CAMKMT: variants seen among roughly 807,000 people sequenced by gnomAD.
CAMKMT encodes CaM KMT.
Under a neutral mutation model 48.0 loss-of-function variants are expected in CAMKMT, and 53 were observed. The ratio of observed to expected loss-of-function variants is 1.10; its 90% CI spans 0.89 to 1.39. CAMKMT has a LOEUF of 1.39. CAMKMT is among the 40% of genes most tolerant of loss of function. The probability of loss-of-function intolerance (pLI) is 0.00; values close to 1 mark genes in which losing one functional copy is unlikely to be tolerated. For missense variants in CAMKMT, 428 were observed against 402.7 expected, an observed-to-expected ratio of 1.06 and a Z score of -0.54; for synonymous variants, 165 against 152.3, an observed-to-expected ratio of 1.08 and a Z score of -0.61.
In CAMKMT at chr2:44,445,645, GTTTTT is replaced by G. The variant is rs869258613; in HGVS notation, c.376+55384_376+55388del. Among the ~76,000 whole-genome samples the G allele has an allele frequency of 9.4e-4, 95 of 101,398 alleles. 1 individual carries two copies. Among genetic ancestry groups the G allele is most frequent in the African/African-American group, 2.5e-3 (68 of 27,344 alleles). The allele number at this position is 101,398 out of a possible 152,430, so 66.5% of individuals were successfully genotyped here. A position where few individuals can be genotyped will look rare whatever the true frequency, so the allele number is the denominator to read the frequency against. On this transcript the variant is annotated intron_variant, in intron 3 of 10. Transcript: ENST00000378494. ...AGTCCAACATGTCGGCAAAAGGGTA[GTTTTT>G]TTTTTTTTTTTTTTTTTTTTTTTTT...
At chr2:44,432,842 A>G (rs946391718) in intron 3 of CAMKMT, among the ~76,000 whole-genome samples, 2 of 148,738 alleles carry the variant, frequency 1.3e-5, no homozygotes, top group South Asian at 2.1e-4. Flanking sequence ...AAAAAAAAAC[A>G]TATGCTTTCC....
chr2:44,576,891 A>T (rs1241804685), intron 3 of CAMKMT, among the ~76,000 whole-genome samples: 1 of 152,218 alleles, frequency 6.6e-6, no homozygotes, highest in East Asian at 1.9e-4. Flanking sequence ...TACTGCAAGG[A>T]ATGTTCATTC....
chr2:44,505,317 A>G (rs1041808926), intron 3 of CAMKMT, among the ~76,000 whole-genome samples: 4 of 152,184 alleles, frequency 2.6e-5, no homozygotes, highest in African/African-American at 4.8e-5. Context: ...AGTAGTTTGC[A>G]AATGTTTTCT....
intron 3 of CAMKMT, among the ~76,000 whole-genome samples, chr2:44,521,515 G>A (rs562093131): frequency 7.2e-5 from 11 of 152,268 alleles, no homozygotes; most frequent in South Asian, 4.1e-4. Context: ...CCCTGACCTC[G>A]TGATTCACCC....
intron 3 of CAMKMT, among the ~76,000 whole-genome samples, chr2:44,663,374 C>T (rs1027472174): frequency 2.0e-5 from 3 of 152,212 alleles, no homozygotes; most frequent in Non-Finnish European, 2.9e-5. Context: ...GCTTCTACAT[C>T]ATTGATTCGC....
chr2:44,571,610 G>A (rs1423225783), intron 3 of CAMKMT, among the ~76,000 whole-genome samples: 3 of 152,060 alleles, frequency 2.0e-5, no homozygotes, highest in African/African-American at 7.2e-5. Context: ...TTGTTTGCAC[G>A]TTATTCATGA....
chr2:44,444,331 A>C (rs999267513), intron 3 of CAMKMT, among the ~76,000 whole-genome samples: 3 of 152,206 alleles, frequency 2.0e-5, no homozygotes, highest in Non-Finnish European at 2.9e-5. Flanking sequence ...CAGTATTATA[A>C]GCTGTCAAGA....
chr2:44,629,428 T>C (rs1192860987), intron 3 of CAMKMT, among the ~76,000 whole-genome samples: 1 of 148,862 alleles, frequency 6.7e-6, no homozygotes, highest in Non-Finnish European at 1.5e-5. Context: ...TTTCTTTCTT[T>C]CTTTCTTTTT....
At chr2:44,400,866 T>G (rs1682301026) in intron 3 of CAMKMT, 1 of 149,490 alleles carries the variant, frequency 6.7e-6, no homozygotes, top group Non-Finnish European at 1.5e-5. Flanking sequence ...GTAGAACTAC[T>G]GGAGAAGTTT....
At chr2:44,627,164 T>C (rs1672527582) in intron 3 of CAMKMT, among the ~76,000 whole-genome samples, 2 of 152,192 alleles carry the variant, frequency 1.3e-5, no homozygotes, top group Non-Finnish European at 2.9e-5. Flanking sequence ...ATGTGGTAAA[T>C]TACATGATTT....
intron 3 of CAMKMT, among the ~76,000 whole-genome samples, chr2:44,675,018 T>G (rs1391007725): frequency 1.3e-5 from 2 of 151,620 alleles, no homozygotes; most frequent in Non-Finnish European, 2.9e-5. Flanking sequence ...CTTTTACCTC[T>G]CACTCTCCAC....
rs573932655 is a variant in CAMKMT, at chr2:44,737,423, G to A, written c.624-6199G>A. On this transcript the variant is annotated intron_variant, in intron 7 of 10. Coordinates refer to ENST00000378494, the MANE Select transcript of CAMKMT (RefSeq NM_024766.5). ...TTCTGGGATACAGTTAAATTACTTT[G>A]AAATAGTTTGATATGTTTGGGTCTT... Among the ~76,000 whole-genome samples, 281 of 152,198 alleles carry A rather than the reference G, an allele frequency of 1.8e-3. 1 individual carries two copies. The highest frequency in any genetic ancestry group is 3.0e-3 in the Admixed American group (46 of 15,286).
chr2:44,572,747 G>A (rs953109458), intron 3 of CAMKMT, among the ~76,000 whole-genome samples: 1 of 152,150 alleles, frequency 6.6e-6, no homozygotes, highest in African/African-American at 2.4e-5. Flanking sequence ...ATGGACACAG[G>A]TGTACACATG....
At chr2:44,385,189 C>G (rs764640600) in intron 2 of CAMKMT, among the ~76,000 whole-genome samples, 1 of 151,364 alleles carries the variant, frequency 6.6e-6, no homozygotes, top group African/African-American at 2.4e-5. Flanking sequence ...TTGTAGAGGT[C>G]TTTTGACGTC....
intron 3 of CAMKMT, among the ~76,000 whole-genome samples, chr2:44,491,599 T>C (rs916998103): frequency 6.6e-6 from 1 of 152,230 alleles, no homozygotes; most frequent in African/African-American, 2.4e-5. Context: ...AGGATAGTTG[T>C]ATAATATAGA....
intron 3 of CAMKMT, among the ~76,000 whole-genome samples, chr2:44,423,184 T>A (rs1684047027): frequency 6.6e-6 from 1 of 151,948 alleles, no homozygotes. Context: ...TATTTTATTT[T>A]ATTTATTTAT....
intron 2 of CAMKMT, among the ~76,000 whole-genome samples, chr2:44,375,384 A>C (rs937805226): frequency 9.9e-5 from 15 of 151,606 alleles, no homozygotes; most frequent in African/African-American, 3.4e-4. Flanking sequence ...ATATAAAAAA[A>C]CAGAAATAAA....
chr2:44,665,367 G>A (rs571670779), intron 3 of CAMKMT, among the ~76,000 whole-genome samples: 9 of 152,148 alleles, frequency 5.9e-5, no homozygotes, highest in East Asian at 5.8e-4. Flanking sequence ...CACCGTGCCC[G>A]GCCTCAGAGA....
intron 3 of CAMKMT, among the ~76,000 whole-genome samples, chr2:44,696,858 G>A (rs1676985499): frequency 6.6e-6 from 1 of 151,982 alleles, no homozygotes; most frequent in East Asian, 1.9e-4. Flanking sequence ...TTAAGACATT[G>A]CATTCATGAA....
Sources: gnomAD v4.1 joint callset for allele counts (sites outside exome capture counted in the v4.1 genomes callset) on GRCh38, gnomAD v4.1.1 for gene constraint, MANE v1.5 for transcripts, NCBI Gene and HGNC (gene_info 2026-07-23, HGNC 2026-07-21) for gene names.